The following LINGO2 variants were observed in gnomAD, a reference collection of about 807,000 sequenced individuals.
The protein encoded by LINGO2 is leucine-rich repeat and immunoglobulin-like domain-containing nogo receptor-interacting protein 2.
In LINGO2, 14 loss-of-function variants were observed where a neutral mutation model predicts 30.6. The observed-to-expected ratio is 0.46, with a 90% CI of 0.30 to 0.72. The LOEUF is 0.72. LINGO2 is among the 30% of genes least tolerant of loss of function. The pLI, the probability that LINGO2 is intolerant of heterozygous loss-of-function variation, is 0.07. For missense variants in LINGO2, 729 were observed against 751.7 expected, an observed-to-expected ratio of 0.97 and a Z score of 0.35; for synonymous variants, 317 against 288.5, an observed-to-expected ratio of 1.10 and a Z score of -1.00.
At chr9:28,785,096 T>C in the LINGO2 span, among the ~76,000 whole-genome samples, 1 of 151,878 alleles carries the variant, frequency 6.6e-6, no homozygotes, top group African/African-American at 2.4e-5. Context: ...CAGGAGAAAA[T>C]AAAAGTCTTA....
chr9:28,006,939 G>A (rs536079398), intron 5 of LINGO2, among the ~76,000 whole-genome samples: 3 of 152,098 alleles, frequency 2.0e-5, no homozygotes, highest in East Asian at 3.9e-4. Flanking sequence ...ATCTATTCAT[G>A]TAACAATTAT....
At chr9:28,240,783 T>C (rs1484798073) in intron 4 of LINGO2, among the ~76,000 whole-genome samples, 1 of 152,004 alleles carries the variant, frequency 6.6e-6, no homozygotes, top group African/African-American at 2.4e-5. Context: ...AAAGAAAACA[T>C]GGACAAATGG....
intron 2 of LINGO2, among the ~76,000 whole-genome samples, chr9:28,409,271 T>TA (rs1186739475): frequency 1.3e-5 from 2 of 152,124 alleles, no homozygotes; most frequent in Non-Finnish European, 2.9e-5. Flanking sequence ...TACATTTACA[T>TA]AGAGTTCAGC....
the LINGO2 span, among the ~76,000 whole-genome samples, chr9:29,074,603 G>C: frequency 0.19 from 28,151 of 150,706 alleles, 2,799 homozygotes; most frequent in East Asian, 0.34. Flanking sequence ...GCATGTATCA[G>C]ATTTCATCAT....
chr9:28,244,706 A>C (rs536366643), intron 4 of LINGO2, among the ~76,000 whole-genome samples: 10 of 152,258 alleles, frequency 6.6e-5, no homozygotes, highest in Admixed American at 2.0e-4. Context: ...ATCTAAAAGA[A>C]ATGGATGAAT....
the LINGO2 span, among the ~76,000 whole-genome samples, chr9:29,023,188 G>A: frequency 1.3e-5 from 2 of 151,994 alleles, no homozygotes; most frequent in Non-Finnish European, 2.9e-5. Context: ...AGTTGGTCAT[G>A]TTATTTAATC....
chr9:28,745,236 T>C, the LINGO2 span, among the ~76,000 whole-genome samples: 3 of 152,046 alleles, frequency 2.0e-5, no homozygotes, highest in South Asian at 2.1e-4. Context: ...TCAGAGTACT[T>C]ATTATTCAGT....
intron 5 of LINGO2, among the ~76,000 whole-genome samples, chr9:27,968,465 T>C (rs1820202580): frequency 6.6e-6 from 1 of 151,922 alleles, no homozygotes. Flanking sequence ...TATATCTACA[T>C]CCTGAACATA....
intron 1 of LINGO2, among the ~76,000 whole-genome samples, chr9:28,490,256 A>C (rs192126242): frequency 6.6e-6 from 1 of 152,300 alleles, no homozygotes; most frequent in Non-Finnish European, 1.5e-5. Flanking sequence ...GGAGTTTAAC[A>C]AAAGAAAATA....
At chr9:28,940,757 T>C in the LINGO2 span, among the ~76,000 whole-genome samples, 1 of 152,174 alleles carries the variant, frequency 6.6e-6, no homozygotes, top group Admixed American at 6.6e-5. Flanking sequence ...GGACTTTCAT[T>C]ACTGCAAATT....
At chr9:28,702,816 T>C in the LINGO2 span, among the ~76,000 whole-genome samples, 4 of 152,046 alleles carry the variant, frequency 2.6e-5, no homozygotes, top group African/African-American at 4.8e-5. Context: ...TTCATATATA[T>C]AGGCTTACTT....
At chr9:28,529,342 C>T (rs1821143639) in intron 1 of LINGO2, among the ~76,000 whole-genome samples, 1 of 152,092 alleles carries the variant, frequency 6.6e-6, no homozygotes, top group Admixed American at 6.5e-5. Context: ...ATTTAAGGCT[C>T]AGTCACCTAT....
At chr9:28,910,518 G>A in the LINGO2 span, among the ~76,000 whole-genome samples, 1 of 152,000 alleles carries the variant, frequency 6.6e-6, no homozygotes, top group Non-Finnish European at 1.5e-5. Flanking sequence ...GTTGGAAATG[G>A]GGTCTGGTGG....
the LINGO2 span, among the ~76,000 whole-genome samples, chr9:29,005,054 A>C: frequency 6.6e-6 from 1 of 151,980 alleles, no homozygotes; most frequent in Non-Finnish European, 1.5e-5. Flanking sequence ...CACCTATGGT[A>C]AGCTCTACCT....
the LINGO2 span, among the ~76,000 whole-genome samples, chr9:28,919,399 T>C: frequency 6.6e-6 from 1 of 152,170 alleles, no homozygotes; most frequent in Admixed American, 6.5e-5. Flanking sequence ...ATACAATCTC[T>C]TCCTACTGAT....
the LINGO2 span, among the ~76,000 whole-genome samples, chr9:28,764,015 G>C: frequency 6.4e-3 from 973 of 151,574 alleles, 19 homozygotes; most frequent in African/African-American, 0.022. Context: ...TGAGGAGATT[G>C]AATTAGTAAT....
intron 1 of LINGO2, among the ~76,000 whole-genome samples, chr9:28,557,794 C>T (rs1822810014): frequency 6.6e-6 from 1 of 151,690 alleles, no homozygotes; most frequent in Admixed American, 6.6e-5. Flanking sequence ...GGCACATATA[C>T]ACCATGGAAT....
chr9:28,801,898 A>G, the LINGO2 span, among the ~76,000 whole-genome samples: 1 of 152,058 alleles, frequency 6.6e-6, no homozygotes, highest in Non-Finnish European at 1.5e-5. Context: ...TTATATTTTT[A>G]TTTGTAAAAA....
chr9:28,494,746 C>T (rs1480338757), intron 1 of LINGO2, among the ~76,000 whole-genome samples: 1 of 152,178 alleles, frequency 6.6e-6, no homozygotes, highest in Non-Finnish European at 1.5e-5. Flanking sequence ...AATGGGATGG[C>T]TGGGTCAAAT....
Sources: gnomAD v4.1 joint callset for allele counts (sites outside exome capture counted in the v4.1 genomes callset) on GRCh38, gnomAD v4.1.1 for gene constraint, MANE v1.5 for transcripts, NCBI Gene and HGNC (gene_info 2026-07-23, HGNC 2026-07-21) for gene names.